Variants in KIF3B observed in about 807,000 individuals in gnomAD.
KIF3B encodes the protein kinesin family member 3B.
A neutral mutation model predicts 74.3 loss-of-function variants in KIF3B; 38 were observed. The observed-to-expected ratio is 0.51, with a 90% CI of 0.39 to 0.67. The LOEUF (loss-of-function observed/expected upper bound fraction) is 0.67, where lower values mean the gene tolerates loss of function less well. Among genes scored for constraint, KIF3B ranks in the 30% least tolerant of loss-of-function variants. KIF3B has a pLI of 0.00. For synonymous variants in KIF3B, 326 were observed against 342.5 expected (o/e 0.95, Z 0.53); for missense variants, 649 against 932.0 (o/e 0.70, Z 3.95).
In KIF3B at chr20:32,333,973, G is replaced by C. The variant is rs1234629707; in HGVS notation, c.*2654G>C. 3 of 152,564 alleles carry C rather than the reference G, an allele frequency of 2.0e-5. No individual in the cohort carries two copies. Among genetic ancestry groups the C allele is most frequent in the Admixed American group, 1.3e-4 (2 of 15,270 alleles). The allele number at this position is 152,564 out of a possible 1,614,324, so 9.5% of individuals were successfully genotyped here. A position where few individuals can be genotyped will look rare whatever the true frequency, so the allele number is the denominator to read the frequency against. ...GCTGTCACCAGAAAGCTGCTGTTTT[G>C]GGTTCTGCATTGAGCCAAATATGTA... On this transcript the variant is annotated 3_prime_UTR_variant, in exon 9 of 9. Transcript: ENST00000375712.
At chr20:32,326,115 G>A (rs558540657) in intron 5 of KIF3B, among the ~76,000 whole-genome samples, 3 of 152,258 alleles carry the variant, frequency 2.0e-5, no homozygotes, top group Admixed American at 1.3e-4. Flanking sequence ...AGTAAAGGCA[G>A]AGATATAATG....
intron 2 of KIF3B, among the ~76,000 whole-genome samples, chr20:32,315,097 C>G (rs1331325441): frequency 6.6e-6 from 1 of 152,210 alleles, no homozygotes; most frequent in East Asian, 1.9e-4. Flanking sequence ...GGCCTAGACC[C>G]CTGCAGTGGC....
At chr20:32,327,720 GC>G (rs2047911290) in intron 7 of KIF3B, 59 bp downstream of exon 7, 1 of 1,278,912 alleles carries the variant, frequency 7.8e-7, no homozygotes, top group Admixed American at 1.8e-5. Context: ...ATTTGTGTAA[GC>G]CCTTAGATAC....
chr20:32,334,860 A>G lies in KIF3B; in HGVS notation c.*3541A>G, dbSNP rs2047947899. On this transcript the variant is annotated 3_prime_UTR_variant, in exon 9 of 9. Transcript: ENST00000375712. ...ACTGATCTTGACCTTCTCTTTGGCT[A>G]CCTTTAGACAAAGAATACGCCAATC... 6.6e-6 allele frequency: 1 copy of G among 152,484 alleles called. No individual in the cohort carries two copies. The highest frequency in any genetic ancestry group is 6.5e-5 in the Admixed American group (1 of 15,272). 9.4% of individuals were successfully genotyped at this position (152,484 alleles called of 1,614,324 possible).
At chr20:32,307,210 G>A (rs1379487796) in intron 1 of KIF3B, among the ~76,000 whole-genome samples, 1 of 152,082 alleles carries the variant, frequency 6.6e-6, no homozygotes, top group Non-Finnish European at 1.5e-5. Context: ...CAACAGACCT[G>A]CATTGACACA....
intron 1 of KIF3B, among the ~76,000 whole-genome samples, chr20:32,305,254 TGG>T (rs1432324255): frequency 6.6e-6 from 1 of 151,958 alleles, no homozygotes; most frequent in Admixed American, 6.6e-5. Flanking sequence ...CCCAGCTACT[TGG>T]GAGGCCGAGG....
At chr20:32,326,967 A>G in intron 6 of KIF3B, 83 bp downstream of exon 6, 2 of 727,912 alleles carry the variant, frequency 2.7e-6, no homozygotes, top group South Asian at 3.5e-5. Context: ...TGGTCAACAA[A>G]GGGGTTTGAT....
chr20:32,302,066 T>G (rs868735532), intron 1 of KIF3B, among the ~76,000 whole-genome samples: 38 of 152,244 alleles, frequency 2.5e-4, no homozygotes, highest in African/African-American at 8.2e-4. Context: ...TGCTGATCTG[T>G]GCTTCCTTCT....
chr20:32,303,490 G>A lies in KIF3B; in HGVS notation c.-65-6223G>A, dbSNP rs1045260504. On this transcript the variant is annotated intron_variant, in intron 1 of 8. Coordinates refer to ENST00000375712, the MANE Select transcript of KIF3B (RefSeq NM_004798.4). ...TGAGGCAGGAGAATTGCTTGAACCC[G>A]GGAGACACAGGTTGCAGTGGGCCGA... Among the ~76,000 whole-genome samples the A allele has an allele frequency of 2.7e-5, 4 of 149,688 alleles. 1 individual carries two copies. The highest frequency in any genetic ancestry group is 9.9e-5 in the African/African-American group (4 of 40,562).
chr20:32,290,221 A>T (rs1286301161), intron 1 of KIF3B, among the ~76,000 whole-genome samples: 2 of 152,046 alleles, frequency 1.3e-5, no homozygotes, highest in African/African-American at 4.8e-5. Context: ...ACGCTCTACT[A>T]AAAATACAAA....
At chr20:32,289,771 C>T (rs1043909494) in intron 1 of KIF3B, among the ~76,000 whole-genome samples, 6 of 152,018 alleles carry the variant, frequency 3.9e-5, no homozygotes, top group African/African-American at 1.4e-4. Context: ...ATAGACATGG[C>T]GAAAATTGTC....
At chr20:32,319,582 G>GT (rs34028388) in intron 5 of KIF3B, among the ~76,000 whole-genome samples, 668 of 91,966 alleles carry the variant, frequency 7.3e-3, no homozygotes, top group African/African-American at 8.3e-3. Context: ...TTTTGTTTTT[G>GT]TTTTTTTTTT....
chr20:32,325,639 ATC>A (rs770551783), intron 5 of KIF3B, among the ~76,000 whole-genome samples: 3,935 of 104,934 alleles, frequency 0.037, 414 homozygotes, highest in South Asian at 0.06. Context: ...TTTCATTATT[ATC>A]TCTCTCTCTC....
intron 1 of KIF3B, among the ~76,000 whole-genome samples, chr20:32,294,771 A>G (rs1260138499): frequency 6.6e-6 from 1 of 152,232 alleles, no homozygotes; most frequent in Non-Finnish European, 1.5e-5. Context: ...CATGCTTTTA[A>G]CAATGTCTTT....
chr20:32,283,376 C>A (rs568706158), intron 1 of KIF3B, among the ~76,000 whole-genome samples: 2 of 151,956 alleles, frequency 1.3e-5, no homozygotes, highest in South Asian at 4.2e-4. Context: ...TGGTGGTGCG[C>A]ACCTGTAATC....
chr20:32,326,970 G>A, intron 6 of KIF3B, 86 bp downstream of exon 6: 2 of 704,764 alleles, frequency 2.8e-6, no homozygotes, highest in Non-Finnish European at 4.9e-6. Context: ...TCAACAAAGG[G>A]GTTTGATAAG....
chr20:32,324,966 G>T (rs1472623508), intron 5 of KIF3B, among the ~76,000 whole-genome samples: 2 of 152,140 alleles, frequency 1.3e-5, no homozygotes, highest in Non-Finnish European at 2.9e-5. Flanking sequence ...GGGAGACGAA[G>T]GTTGCAGTGG....
chr20:32,301,085 C>CTTTT (rs950388063), intron 1 of KIF3B, among the ~76,000 whole-genome samples: 60 of 90,180 alleles, frequency 6.7e-4, no homozygotes, highest in East Asian at 1.1e-3. Context: ...GCTTCATGGT[C>CTTTT]TTTTTTTTTT....
chr20:32,318,708 A>G (rs1198996525), intron 5 of KIF3B, among the ~76,000 whole-genome samples: 1 of 152,166 alleles, frequency 6.6e-6, no homozygotes, highest in African/African-American at 2.4e-5. Context: ...AATAGGACAC[A>G]TATTTATTTA....
Sources: gnomAD v4.1 joint callset for allele counts (sites outside exome capture counted in the v4.1 genomes callset) on GRCh38, gnomAD v4.1.1 for gene constraint, MANE v1.5 for transcripts, NCBI Gene and HGNC (gene_info 2026-07-23, HGNC 2026-07-21) for gene names.